The following ANO9 variants were observed in gnomAD, a reference collection of about 807,000 sequenced individuals.
ANO9 encodes anoctamin-9.
In ANO9, 80 loss-of-function variants were observed where a neutral mutation model predicts 100.5. The observed-to-expected ratio is 0.80, with a 90% CI of 0.66 to 0.96. ANO9 has a LOEUF of 0.96. ANO9 is among the 40% of genes least tolerant of loss of function. ANO9 has a pLI of 0.00. For synonymous variants in ANO9, 473 were observed against 435.6 expected, an observed-to-expected ratio of 1.09 and a Z score of -1.07; for missense variants, 1,064 against 1,072.7, an observed-to-expected ratio of 0.99 and a Z score of 0.11.
intron 20 of ANO9, chr11:419,256 G>A (rs1848030542): frequency 9.9e-6 from 14 of 1,420,592 alleles, no homozygotes; most frequent in Admixed American, 5.8e-5. Context: ...GTGGCTCCTC[G>A]AGGTCAGAGA....
chr11:421,366 G>GCACGCA lies in ANO9; in HGVS notation c.1335-174_1335-169dup. The GCACGCA allele has an allele frequency of 1.6e-6, 1 of 615,914 alleles. No homozygotes were observed. 38.2% of individuals were successfully genotyped at this position (615,914 alleles called of 1,614,324 possible). ...CCAGATGAACCGCACCCGCACGTGG[G>GCACGCA]CACGCACACACACACACACACACAC... is the stretch of plus-strand genomic sequence containing the variant. On this transcript the variant is annotated intron_variant, in intron 15 of 22. Transcript: ENST00000332826. This position sits in a 1 kb window ranked among gnomAD's most constrained non-coding sequence, Gnocchi z 6.8.
chr11:434,540 G>A lies in ANO9; in HGVS notation c.7-442C>T, dbSNP rs74974272. Among the ~76,000 whole-genome samples, 643 of 152,312 alleles carry A rather than the reference G, an allele frequency of 4.2e-3. 39 individuals are homozygous for A. In the East Asian group the frequency reaches 0.11, roughly 25 times the overall value. The stretch of plus-strand genomic sequence containing the variant: ...AGAGCACGGGTTTGGAAACCTGTTG[G>A]ACTGTTTTTAAAATTGAACGCTCCC... On this transcript the variant is annotated intron_variant, in intron 1 of 22. Coordinates refer to ENST00000332826, the MANE Select transcript of ANO9 (RefSeq NM_001012302.3).
chr11:440,740 G>GGT (rs1845800115), intron 1 of ANO9: 2 of 152,362 alleles, frequency 1.3e-5, no homozygotes, highest in East Asian at 3.9e-4. Flanking sequence ...TGGGAGCGCA[G>GGT]GCACGCGCCA....
intron 5 of ANO9, 23 bp from the exon 6 acceptor site, chr11:431,929 T>G (rs910941127): frequency 2.4e-5 from 39 of 1,611,034 alleles, no homozygotes; most frequent in Admixed American, 6.7e-5. Flanking sequence ...GGTTCACGAG[T>G]CAGGGGGAGT....
rs1309356400 is a variant in ANO9 at position 421,367 on chromosome 11, C to CACGCA, written c.1335-174_1335-170dup. 1.5e-4 allele frequency: 92 copies of CACGCA among 601,734 alleles called. No homozygotes were observed. The highest frequency in any genetic ancestry group is 1.5e-3 in the African/African-American group (79 of 52,658). 37.3% of individuals were successfully genotyped at this position (601,734 alleles called of 1,614,324 possible). On this transcript the variant is annotated intron_variant, in intron 15 of 22. Coordinates refer to ENST00000332826, the MANE Select transcript of ANO9 (RefSeq NM_001012302.3). The surrounding 1 kb of genome is among the most constrained non-coding windows in gnomAD (Gnocchi z 6.8). ...CAGATGAACCGCACCCGCACGTGGG[C>CACGCA]ACGCACACACACACACACACACACA...
chr11:421,222 G>A lies in ANO9; in HGVS notation c.1335-24C>T, dbSNP rs1054592861. 5 of 1,507,980 alleles carry A rather than the reference G, an allele frequency of 3.3e-6. No homozygotes were observed. Among genetic ancestry groups the A allele is most frequent in the Middle Eastern group, 1.9e-4 (1 of 5,186 alleles). 93.4% of individuals were successfully genotyped at this position (1,507,980 alleles called of 1,614,324 possible). A position where few individuals can be genotyped will look rare whatever the true frequency, so the allele number is the denominator to read the frequency against. ...TCCTGGGGAGGAAGGGGAAGTCTGG[G>A]GCACTGCGGGCAGCGCCCTGCCTCT... On this transcript the variant is annotated intron_variant, in intron 15 of 22. Transcript: ENST00000332826. The surrounding 1 kb of genome is among the most constrained non-coding windows in gnomAD (Gnocchi z 6.8).
rs1429855198 is a variant in ANO9 at position 428,192 on chromosome 11, G to C, written c.1230C>G (p.Pro410=). 2.5e-6 allele frequency: 4 copies of C among 1,612,170 alleles called. No individual in the cohort carries two copies. Among genetic ancestry groups the C allele is most frequent in the Non-Finnish European group, 3.4e-6 (4 of 1,179,702 alleles). ...TGCTCTCTCGCTCCGAGAAGGTCCT[G>C]GGCATCTCTGGAATGGGACCGGCCC... ...VALKLCDFEM[P]RTFSERESRF... is the part of the protein sequence containing the mutation. Residue 410 remains proline, a synonymous_variant, in exon 15 of 23, where the codon CCC becomes CCG. Transcript: ENST00000332826.
chr11:419,856 G>C, intron 19 of ANO9, 127 bp from the exon 20 acceptor site: 1 of 1,461,326 alleles, frequency 6.8e-7, no homozygotes, highest in Non-Finnish European at 9.0e-7. Flanking sequence ...CAGCCCTAGG[G>C]CTGCAGTATT....
At chr11:440,725 G>A (rs949626118) in intron 1 of ANO9, 1 of 152,290 alleles carries the variant, frequency 6.6e-6, no homozygotes, top group Non-Finnish European at 1.5e-5. Context: ...AGCCTCCCGA[G>A]TAGCTGGGAG....
chr11:418,370 C>T lies in ANO9; in HGVS notation c.*1G>A. ...TGGTGGCCTCTGGACGGGCTCTGGCCCTACACGTCTGTGCTCCTGGCACTG... is the reference window on the plus strand; with the variant it reads ...TGGTGGCCTCTGGACGGGCTCTGGCTCTACACGTCTGTGCTCCTGGCACTG... On this transcript the variant is annotated 3_prime_UTR_variant, in exon 23 of 23. Coordinates refer to ENST00000332826, the MANE Select transcript of ANO9 (RefSeq NM_001012302.3). The T allele has an allele frequency of 1.2e-6, 2 of 1,603,338 alleles. No individual in the cohort carries two copies. The highest frequency in any genetic ancestry group is 1.3e-5 in the African/African-American group (1 of 74,768).
chr11:432,158 G>A lies in ANO9; in HGVS notation c.351-104C>T. ...CCAGGCCCAGGCCCCTCCCTGTCCT[G>A]GCAGAGCCCCCAGCCTGCCAGCCCT... On this transcript the variant is annotated intron_variant, in intron 4 of 22. Transcript: ENST00000332826. This position sits in a 1 kb window ranked among gnomAD's most constrained non-coding sequence, Gnocchi z 4.8. 4.6e-6 allele frequency: 6 copies of A among 1,298,280 alleles called. No individual in the cohort carries two copies. Among genetic ancestry groups the A allele is most frequent in the Non-Finnish European group, 6.5e-6 (6 of 926,276 alleles). The allele number at this position is 1,298,280 out of a possible 1,614,324, so 80.4% of individuals were successfully genotyped here.
rs201551806 is a variant in ANO9, at chr11:440,065, CAT to C, written c.6+1854_6+1855del. 6.8e-3 allele frequency among the ~76,000 whole-genome samples: 1,036 copies of C among 152,234 alleles called. 9 individuals carry two copies. The highest frequency in any genetic ancestry group is 0.013 in the Admixed American group (194 of 15,286). On this transcript the variant is annotated intron_variant, in intron 1 of 22. Transcript: ENST00000332826. ...GGGGCAGCATTCCCGGGAGAAAGAA[CAT>C]GTGTGGGCACGCCCTGAGAATCAGG...
chr11:429,656 C>T lies in ANO9; in HGVS notation c.833-4G>A, dbSNP rs766286367. The T allele has an allele frequency of 1.6e-5, 25 of 1,612,466 alleles. No homozygotes were observed. The Admixed American group carries it at 2.2e-4, about 14-fold the overall frequency. On this transcript the variant is annotated splice_region_variant and splice_polypyrimidine_tract_variant and intron_variant, in intron 10 of 22. Coordinates refer to ENST00000332826, the MANE Select transcript of ANO9 (RefSeq NM_001012302.3). ...CAGATCTCCAGGAACACCGTGGCTG[C>T]GGCGGGGGCAAGGAGGGGCATCACT...
intron 15 of ANO9, among the ~76,000 whole-genome samples, chr11:425,789 T>C (rs1204282151): frequency 6.6e-6 from 1 of 152,084 alleles, no homozygotes; most frequent in African/African-American, 2.4e-5. Context: ...TGGAGTGCAG[T>C]GGCGCGATCT....
Position 421,363 on chromosome 11 carries a change from T to C in ANO9, c.1335-165A>G, listed in dbSNP as rs915610324. 30 of 628,636 alleles carry C rather than the reference T, an allele frequency of 4.8e-5. No individual in the cohort carries two copies. In the African/African-American group the frequency reaches 5.2e-4, roughly 11 times the overall value. 38.9% of individuals were successfully genotyped at this position (628,636 alleles called of 1,614,324 possible). A position where few individuals can be genotyped will look rare whatever the true frequency, so the allele number is the denominator to read the frequency against. On this transcript the variant is annotated intron_variant, in intron 15 of 22. Transcript: ENST00000332826. This position sits in a 1 kb window ranked among gnomAD's most constrained non-coding sequence, Gnocchi z 6.8. ...CACCCAGATGAACCGCACCCGCACGTGGGCACGCACACACACACACACACA... is the reference window on the plus strand; with the variant it reads ...CACCCAGATGAACCGCACCCGCACGCGGGCACGCACACACACACACACACA...
chr11:439,579 G>A (rs1845695190), intron 1 of ANO9, among the ~76,000 whole-genome samples: 1 of 83,650 alleles, frequency 1.2e-5, no homozygotes, highest in African/African-American at 6.4e-5. Flanking sequence ...ATGGGAAGGT[G>A]TTTGGGCCTC....
chr11:441,601 C>T (rs1042982253), intron 1 of ANO9, among the ~76,000 whole-genome samples: 1 of 152,114 alleles, frequency 6.6e-6, no homozygotes, highest in African/African-American at 2.4e-5. Flanking sequence ...CTCTCCATCT[C>T]GTGTTCAGGA....
In ANO9 at chr11:432,234, CT is replaced by C. The variant is rs1323722995; in HGVS notation, c.351-181del. 3.1e-6 allele frequency: 2 copies of C among 642,230 alleles called. No homozygotes were observed. Among genetic ancestry groups the C allele is most frequent in the Non-Finnish European group, 5.3e-6 (2 of 375,858 alleles). The allele number at this position is 642,230 out of a possible 1,614,324, so 39.8% of individuals were successfully genotyped here. ...ACCCGGGAGCCCACCCCGCACCCTC[CT>C]TAAAGTGCTCCCAGGGCCTGGCCTG... On this transcript the variant is annotated intron_variant, in intron 4 of 22. Coordinates refer to ENST00000332826, the MANE Select transcript of ANO9 (RefSeq NM_001012302.3). The surrounding 1 kb of genome is among the most constrained non-coding windows in gnomAD (Gnocchi z 4.8).
chr11:433,699 G>T, intron 3 of ANO9, 116 bp downstream of exon 3: 4 of 1,451,954 alleles, frequency 2.8e-6, no homozygotes, highest in South Asian at 2.8e-5. Context: ...GTGCCGCCAT[G>T]ACCGGCCCCA....
Sources: allele counts gnomAD v4.1 joint callset (sites outside exome capture counted in the v4.1 genomes callset), GRCh38; gene constraint gnomAD v4.1.1; non-coding constraint Gnocchi (gnomAD v3.1); transcripts MANE v1.5; gene names NCBI Gene and HGNC (gene_info 2026-07-23, HGNC 2026-07-21).